Variants in CHP1 observed in about 807,000 individuals in gnomAD.
CHP1 encodes calcineurin B homologous protein 1.
A neutral mutation model predicts 27.4 loss-of-function variants in CHP1; 11 were observed. The ratio of observed to expected loss-of-function variants is 0.40; its 90% CI spans 0.25 to 0.67. The LOEUF is 0.67. Ranked by LOEUF, CHP1 falls within the 30% of genes least tolerant of loss-of-function variation. The probability of loss-of-function intolerance (pLI) is 0.38; values close to 1 mark genes in which losing one functional copy is unlikely to be tolerated. For missense variants in CHP1, 169 were observed against 251.3 expected (o/e 0.67, Z 2.22); for synonymous variants, 89 against 87.4 (o/e 1.02, Z -0.10).
At chr15:41,267,885 G>A (rs1293697915) in intron 4 of CHP1, among the ~76,000 whole-genome samples, 2 of 143,054 alleles carry the variant, frequency 1.4e-5, no homozygotes, top group Non-Finnish European at 3.0e-5. Context: ...AGTGAGCCAT[G>A]ATTGCACCAC....
At chr15:41,266,804 A>G (rs2047463528) in intron 4 of CHP1, among the ~76,000 whole-genome samples, 1 of 152,282 alleles carries the variant, frequency 6.6e-6, no homozygotes, top group Admixed American at 6.5e-5. Context: ...GTTCGAGACC[A>G]GCCTGGCCAA....
intron 2 of CHP1, among the ~76,000 whole-genome samples, chr15:41,252,927 G>GTTTTTTTTTT (rs144891496): frequency 3.0e-5 from 2 of 65,722 alleles, no homozygotes; most frequent in African/African-American, 5.9e-5. Flanking sequence ...ATTTCACATG[G>GTTTTTTTTTT]TTTTTTTTTT....
chr15:41,280,505 A>ATTTTTTTTTTTTTTTTTT lies in CHP1; in HGVS notation c.*1126_*1143dup, dbSNP rs34921023. 9.0e-6 allele frequency: 1 copy of ATTTTTTTTTTTTTTTTTT among 111,338 alleles called. No individual in the cohort carries two copies. The highest frequency in any genetic ancestry group is 1.8e-5 in the Non-Finnish European group (1 of 56,608). 6.9% of individuals were successfully genotyped at this position (111,338 alleles called of 1,614,324 possible). On this transcript the variant is annotated 3_prime_UTR_variant, in exon 7 of 7. Coordinates refer to ENST00000334660, the MANE Select transcript of CHP1 (RefSeq NM_007236.5). ...GGAAGTGCCTAATATCCCAGTCCAA[A>ATTTTTTTTTTTTTTTTTT]TTTTTTTTTTTTTTTTTTTTTTTTT...
At chr15:41,243,954 C>T (rs2047320164) in intron 2 of CHP1, among the ~76,000 whole-genome samples, 1 of 152,162 alleles carries the variant, frequency 6.6e-6, no homozygotes, top group Non-Finnish European at 1.5e-5. Flanking sequence ...AATCCCAGCA[C>T]TTTGGGAGGT....
chr15:41,263,004 C>G, intron 4 of CHP1, 121 bp downstream of exon 4: 1 of 1,307,526 alleles, frequency 7.6e-7, no homozygotes, highest in Non-Finnish European at 1.0e-6. Flanking sequence ...ACCTCAGACT[C>G]TGGAGCTAAA....
chr15:41,231,590 TG>T, intron 1 of CHP1, 141 bp downstream of exon 1: 1 of 733,972 alleles, frequency 1.4e-6, no homozygotes, highest in Middle Eastern at 3.4e-4. Flanking sequence ...GACCGAGAGC[TG>T]GAAGACCTGT....
At chr15:41,254,214 A>G (rs1365621229) in intron 2 of CHP1, among the ~76,000 whole-genome samples, 1 of 152,188 alleles carries the variant, frequency 6.6e-6, no homozygotes, top group Non-Finnish European at 1.5e-5. Flanking sequence ...GGACAGGTCC[A>G]TCGGAAGGCC....
intron 2 of CHP1, among the ~76,000 whole-genome samples, chr15:41,250,165 A>AC (rs2140929617): frequency 6.6e-6 from 1 of 152,066 alleles, no homozygotes; most frequent in South Asian, 2.1e-4. Flanking sequence ...TAAATAGGCT[A>AC]CCTAATTACT....
intron 2 of CHP1, among the ~76,000 whole-genome samples, chr15:41,247,392 G>A (rs1002096129): frequency 6.6e-6 from 1 of 151,490 alleles, no homozygotes; most frequent in East Asian, 1.9e-4. Flanking sequence ...AATTCTGGCC[G>A]GTTGTGGTGG....
chr15:41,237,935 C>G (rs2047285803), intron 1 of CHP1, among the ~76,000 whole-genome samples: 1 of 152,136 alleles, frequency 6.6e-6, no homozygotes, highest in Non-Finnish European at 1.5e-5. Context: ...ATCTTGATCT[C>G]TTGACCTCGT....
At chr15:41,243,233 C>G (rs915202200) in intron 1 of CHP1, among the ~76,000 whole-genome samples, 4 of 150,768 alleles carry the variant, frequency 2.7e-5, no homozygotes, top group Non-Finnish European at 5.9e-5. Context: ...CCCAGCTACT[C>G]GGGAGGCTGA....
At chr15:41,252,325 C>T (rs1289757967) in intron 2 of CHP1, among the ~76,000 whole-genome samples, 4 of 151,996 alleles carry the variant, frequency 2.6e-5, no homozygotes, top group African/African-American at 9.7e-5. Context: ...CCCGCCACCA[C>T]GCCCGTCTGA....
At chr15:41,240,530 G>GAT (rs909732271) in intron 1 of CHP1, among the ~76,000 whole-genome samples, 3 of 152,052 alleles carry the variant, frequency 2.0e-5, no homozygotes, top group African/African-American at 7.2e-5. Context: ...GAGGTGAGTG[G>GAT]ATCACCCGAG....
At chr15:41,253,951 ATT>A (rs111456903) in intron 2 of CHP1, among the ~76,000 whole-genome samples, 38 of 141,994 alleles carry the variant, frequency 2.7e-4, no homozygotes, top group Non-Finnish European at 3.4e-4. Context: ...TGCCTGGCTA[ATT>A]TTTTTTTTTT....
At chr15:41,267,085 G>A (rs1338967136) in intron 4 of CHP1, among the ~76,000 whole-genome samples, 1 of 152,086 alleles carries the variant, frequency 6.6e-6, no homozygotes, top group African/African-American at 2.4e-5. Context: ...TGGATATAAA[G>A]GACAAATATT....
At chr15:41,277,446 C>A (rs7167706) in intron 5 of CHP1, among the ~76,000 whole-genome samples, 32,615 of 152,070 alleles carry the variant, frequency 0.21, 3,797 homozygotes, top group Non-Finnish European at 0.26. Flanking sequence ...GAGTTGAAGG[C>A]CTGCCTGGGC....
chr15:41,256,520 C>A (rs2047401382), intron 2 of CHP1, among the ~76,000 whole-genome samples: 1 of 152,190 alleles, frequency 6.6e-6, no homozygotes, highest in African/African-American at 2.4e-5. Flanking sequence ...TGTTTGTCCC[C>A]ATATTCAAGT....
At chr15:41,238,602 C>T (rs995570924) in intron 1 of CHP1, among the ~76,000 whole-genome samples, 1 of 151,474 alleles carries the variant, frequency 6.6e-6, no homozygotes. Flanking sequence ...CACTTTAGGG[C>T]GGCTGAGGCG....
intron 2 of CHP1, among the ~76,000 whole-genome samples, chr15:41,254,125 T>G (rs1196392044): frequency 1.3e-5 from 2 of 152,084 alleles, no homozygotes; most frequent in Non-Finnish European, 2.9e-5. Flanking sequence ...CTTTTAGCAA[T>G]ACTGTCCTTG....
Sources: allele counts gnomAD v4.1 joint callset (sites outside exome capture counted in the v4.1 genomes callset), GRCh38; gene constraint gnomAD v4.1.1; transcripts MANE v1.5; gene names NCBI Gene and HGNC (gene_info 2026-07-23, HGNC 2026-07-21).